RAB30: variants seen among roughly 807,000 people sequenced by gnomAD.
RAB30 encodes the protein ras-related protein Rab-30.
RAB30 carries 9 observed loss-of-function variants against 25.1 expected under a neutral mutation model. The observed-to-expected ratio is 0.36, with a 90% confidence interval of 0.22 to 0.63. RAB30 has a LOEUF of 0.63. Among genes scored for constraint, RAB30 ranks in the 20% least tolerant of loss-of-function variants. The pLI, the probability that RAB30 is intolerant of heterozygous loss-of-function variation, is 0.69. For missense variants in RAB30, 140 were observed against 243.5 expected, an observed-to-expected ratio of 0.58 and a Z score of 2.83; for synonymous variants, 77 against 86.4, an observed-to-expected ratio of 0.89 and a Z score of 0.60.
At position 82,974,878 on chromosome 11, in the gene RAB30, C is replaced by A. The variant is rs539734408; in HGVS notation, c.*7287G>T. The A allele has an allele frequency of 5.3e-5, 8 of 151,390 alleles. No individual in the cohort carries two copies. In the South Asian group the frequency reaches 1.7e-3, roughly 32 times the overall value. 9.4% of individuals were successfully genotyped at this position (151,390 alleles called of 1,614,324 possible). ...GATATATGGGGCACACTTTTCCCTTCAGATTATCAAAAACCTCTTTTTACT... is the reference window on the plus strand; with the variant it reads ...GATATATGGGGCACACTTTTCCCTTAAGATTATCAAAAACCTCTTTTTACT... On this transcript the variant is annotated 3_prime_UTR_variant, in exon 5 of 5. Transcript: ENST00000527633.
intron 1 of RAB30, among the ~76,000 whole-genome samples, chr11:83,005,797 G>A (rs185906615): frequency 0.035 from 5,335 of 151,898 alleles, 324 homozygotes; most frequent in African/African-American, 0.12. Flanking sequence ...ATGAAGAACT[G>A]ACTGCAATAT....
At chr11:83,051,691 A>C (rs1186210697) in intron 1 of RAB30, among the ~76,000 whole-genome samples, 2 of 152,070 alleles carry the variant, frequency 1.3e-5, no homozygotes, top group Non-Finnish European at 2.9e-5. Context: ...AGTTAAAAAA[A>C]AAAAACAAAA....
At chr11:83,002,623 A>G (rs1857109164) in intron 1 of RAB30, among the ~76,000 whole-genome samples, 1 of 152,204 alleles carries the variant, frequency 6.6e-6, no homozygotes, top group Admixed American at 6.5e-5. Flanking sequence ...GAATTTGGCA[A>G]CATTTAAACC....
intron 1 of RAB30, among the ~76,000 whole-genome samples, chr11:83,028,391 A>C (rs1251708154): frequency 2.0e-5 from 3 of 152,184 alleles, no homozygotes; most frequent in African/African-American, 4.8e-5. Flanking sequence ...AATTCCCAGG[A>C]AAGAGCAGAA....
At chr11:83,043,455 A>T (rs1314116456) in intron 1 of RAB30, among the ~76,000 whole-genome samples, 2 of 152,190 alleles carry the variant, frequency 1.3e-5, no homozygotes, top group Non-Finnish European at 2.9e-5. Flanking sequence ...AAGTTTTGAC[A>T]TGATTTGTTT....
chr11:82,989,560 T>C (rs1192446057), intron 3 of RAB30, among the ~76,000 whole-genome samples: 1 of 152,244 alleles, frequency 6.6e-6, no homozygotes, highest in Non-Finnish European at 1.5e-5. Flanking sequence ...TCTGCCAGGA[T>C]GTGTCTTAGA....
intron 1 of RAB30, among the ~76,000 whole-genome samples, chr11:83,000,240 T>C (rs967308415): frequency 3.3e-5 from 5 of 152,232 alleles, no homozygotes; most frequent in African/African-American, 1.2e-4. Context: ...ACTACCCAAG[T>C]GCCTTTCACA....
chr11:83,025,598 G>A (rs1857692091), intron 1 of RAB30, among the ~76,000 whole-genome samples: 1 of 152,208 alleles, frequency 6.6e-6, no homozygotes. Flanking sequence ...TGTTTACTGG[G>A]AGTGAGGCAC....
chr11:83,024,735 C>A (rs1470582641), intron 1 of RAB30, among the ~76,000 whole-genome samples: 1 of 152,194 alleles, frequency 6.6e-6, no homozygotes, highest in Non-Finnish European at 1.5e-5. Context: ...AAACACAACA[C>A]TGAAATGCTA....
intron 3 of RAB30, among the ~76,000 whole-genome samples, chr11:82,991,633 G>C (rs1043314969): frequency 1.3e-5 from 2 of 151,894 alleles, no homozygotes; most frequent in African/African-American, 4.8e-5. Context: ...AAATTCATGT[G>C]GTTGAAGAGG....
intron 1 of RAB30, among the ~76,000 whole-genome samples, chr11:83,068,580 T>C (rs941887397): frequency 5.9e-5 from 9 of 152,212 alleles, no homozygotes; most frequent in Non-Finnish European, 1.2e-4. Flanking sequence ...AAGAACTGCC[T>C]ACTCTCTAGC....
At chr11:83,065,326 G>A (rs1193597587) in intron 1 of RAB30, among the ~76,000 whole-genome samples, 1 of 152,178 alleles carries the variant, frequency 6.6e-6, no homozygotes, top group Non-Finnish European at 1.5e-5. Context: ...GGAGGTAGAG[G>A]TTGCAGTGAG....
At chr11:83,000,137 TA>T (rs1163662259) in intron 1 of RAB30, among the ~76,000 whole-genome samples, 2 of 152,132 alleles carry the variant, frequency 1.3e-5, no homozygotes, top group African/African-American at 4.8e-5. Flanking sequence ...CAAGAGAAGT[TA>T]AAAAAGCAGT....
chr11:82,983,726 G>A (rs941642843), intron 4 of RAB30, among the ~76,000 whole-genome samples: 8 of 152,014 alleles, frequency 5.3e-5, no homozygotes, highest in Non-Finnish European at 8.8e-5. Flanking sequence ...TTGAGCCACC[G>A]AGCCGGGCCA....
intron 1 of RAB30, among the ~76,000 whole-genome samples, chr11:83,014,690 GAAAGAGAA>G (rs1857392257): frequency 7.4e-6 from 1 of 134,982 alleles, no homozygotes; most frequent in Non-Finnish European, 1.6e-5. Flanking sequence ...AAGAAAGAAA[GAAAGAGAA>G]AGGAAGGAAG....
intron 1 of RAB30, among the ~76,000 whole-genome samples, chr11:83,064,500 T>C (rs1229772628): frequency 6.6e-6 from 1 of 152,250 alleles, no homozygotes; most frequent in African/African-American, 2.4e-5. Context: ...ATGTTCCTCC[T>C]GCATTGCTCC....
intron 1 of RAB30, chr11:83,035,280 G>A (rs998162625): frequency 2.6e-5 from 4 of 152,126 alleles, no homozygotes; most frequent in African/African-American, 9.7e-5. Flanking sequence ...GCAAGTTGCA[G>A]CAAGATTTCT....
At chr11:83,015,947 G>A (rs1857426442) in intron 1 of RAB30, among the ~76,000 whole-genome samples, 1 of 152,124 alleles carries the variant, frequency 6.6e-6, no homozygotes, top group African/African-American at 2.4e-5. Context: ...AGACCAGCTT[G>A]GGCAACATGA....
At chr11:82,990,997 C>T (rs368961833) in intron 3 of RAB30, among the ~76,000 whole-genome samples, 1 of 152,014 alleles carries the variant, frequency 6.6e-6, no homozygotes, top group Non-Finnish European at 1.5e-5. Context: ...GCCTTCAATC[C>T]TGGGAGCCAT....
Sources: allele counts gnomAD v4.1 joint callset (sites outside exome capture counted in the v4.1 genomes callset), GRCh38; gene constraint gnomAD v4.1.1; transcripts MANE v1.5; gene names NCBI Gene and HGNC (gene_info 2026-07-23, HGNC 2026-07-21).